Variants in GPR63 observed in about 807,000 individuals in gnomAD.
GPR63 encodes G protein-coupled receptor 63, also known as probable G protein-coupled receptor 63.
Under a neutral mutation model 23.1 loss-of-function variants are expected in GPR63, and 12 were observed. That is an observed-to-expected ratio of 0.52 (90% CI 0.33 to 0.84). The LOEUF is 0.84. Among genes scored for constraint, GPR63 ranks in the 40% least tolerant of loss-of-function variants. GPR63 has a pLI of 0.02. For missense variants in GPR63, 472 were observed against 515.6 expected, an observed-to-expected ratio of 0.92 and a Z score of 0.82; for synonymous variants, 172 against 191.1, an observed-to-expected ratio of 0.90 and a Z score of 0.82.
chr6:96,830,766 T>C (rs542540796), intron 1 of GPR63, among the ~76,000 whole-genome samples: 1 of 152,344 alleles, frequency 6.6e-6, no homozygotes, highest in South Asian at 2.1e-4. Flanking sequence ...AGGGAGAATT[T>C]CTCTCTAAAT....
At chr6:96,804,850 G>A (rs529371086) in intron 1 of GPR63, among the ~76,000 whole-genome samples, 177 of 152,238 alleles carry the variant, frequency 1.2e-3, no homozygotes, top group Non-Finnish European at 2.0e-3. Flanking sequence ...AATTACAGTA[G>A]TGTATTAATG....
At chr6:96,813,992 A>C (rs1774103398) in intron 1 of GPR63, among the ~76,000 whole-genome samples, 1 of 152,326 alleles carries the variant, frequency 6.6e-6, no homozygotes, top group Non-Finnish European at 1.5e-5. Context: ...AGGATATAAA[A>C]AAATTACTAT....
chr6:96,797,628 C>T lies in GPR63; in HGVS notation c.*844G>A, dbSNP rs199706173. On this transcript the variant is annotated 3_prime_UTR_variant, in exon 2 of 2. Transcript: ENST00000229955. ...CATAGGTGTCCATAAATATCAACCC[C>T]TTCTCCCTATACTCCACAAAAACCC... 58 of 152,302 alleles carry T rather than the reference C, an allele frequency of 3.8e-4. 1 individual carries two copies. The East Asian group carries it at 0.01, about 27-fold the overall frequency. 9.4% of individuals were successfully genotyped at this position (152,302 alleles called of 1,614,324 possible). A position where few individuals can be genotyped will look rare whatever the true frequency, so the allele number is the denominator to read the frequency against.
At chr6:96,835,396 A>AT (rs1774699986) in intron 1 of GPR63, among the ~76,000 whole-genome samples, 1 of 152,142 alleles carries the variant, frequency 6.6e-6, no homozygotes, top group East Asian at 1.9e-4. Flanking sequence ...TATATGTGTG[A>AT]TATGGATATA....
At chr6:96,826,919 T>A (rs1262716376) in intron 1 of GPR63, among the ~76,000 whole-genome samples, 2 of 152,052 alleles carry the variant, frequency 1.3e-5, no homozygotes, top group African/African-American at 4.8e-5. Context: ...TGATTTAAAA[T>A]GTGCCGAAGT....
intron 1 of GPR63, among the ~76,000 whole-genome samples, chr6:96,821,395 G>A (rs1432895109): frequency 9.2e-5 from 14 of 152,130 alleles, no homozygotes; most frequent in Non-Finnish European, 1.3e-4. Context: ...AAGATTCTGC[G>A]CTGTGATTTT....
At chr6:96,836,296 A>G (rs919616636) in intron 1 of GPR63, among the ~76,000 whole-genome samples, 4 of 152,368 alleles carry the variant, frequency 2.6e-5, no homozygotes, top group Admixed American at 1.3e-4. Flanking sequence ...CTGAAGCAGT[A>G]TCAGCTTATG....
intron 1 of GPR63, among the ~76,000 whole-genome samples, chr6:96,821,066 G>A (rs752837851): frequency 4.6e-5 from 7 of 152,130 alleles, no homozygotes; most frequent in South Asian, 2.1e-4. Flanking sequence ...TGGTCAGAGG[G>A]CCTGGTTGCT....
At chr6:96,802,265 TAA>T (rs1325959989) in intron 1 of GPR63, among the ~76,000 whole-genome samples, 1 of 152,148 alleles carries the variant, frequency 6.6e-6, no homozygotes, top group Non-Finnish European at 1.5e-5. Context: ...CTTTCTACCA[TAA>T]AAGCTTCCCA....
chr6:96,809,026 T>C (rs1171033371), intron 1 of GPR63, among the ~76,000 whole-genome samples: 1 of 151,834 alleles, frequency 6.6e-6, no homozygotes, highest in Non-Finnish European at 1.5e-5. Context: ...CAAGATGGTT[T>C]TATTCTCTTT....
At chr6:96,834,557 G>A (rs568306798) in intron 1 of GPR63, among the ~76,000 whole-genome samples, 309 of 148,430 alleles carry the variant, frequency 2.1e-3, no homozygotes, top group Non-Finnish European at 3.7e-3. Flanking sequence ...ATATACATAT[G>A]TCATAGTTGC....
chr6:96,830,018 A>G (rs1464781840), intron 1 of GPR63, among the ~76,000 whole-genome samples: 1 of 152,198 alleles, frequency 6.6e-6, no homozygotes, highest in South Asian at 2.1e-4. Flanking sequence ...TCTAAAAAAT[A>G]TAACAGTGAG....
Position 96,799,774 on chromosome 6 carries a change from C to T in GPR63, c.-43G>A, listed in dbSNP as rs774124967. ...AGATGCAAGCAGAGATGCAGGAGTT[C>T]TTCAAGCATTTCAACACAGAACAGC... On this transcript the variant is annotated 5_prime_UTR_variant, in exon 2 of 2. Coordinates refer to ENST00000229955, the MANE Select transcript of GPR63 (RefSeq NM_030784.4). 1.2e-6 allele frequency: 2 copies of T among 1,603,258 alleles called. No homozygotes were observed. Among genetic ancestry groups the T allele is most frequent in the African/African-American group, 2.7e-5 (2 of 74,748 alleles).
chr6:96,816,106 G>GT (rs1774156694), intron 1 of GPR63, among the ~76,000 whole-genome samples: 1 of 151,938 alleles, frequency 6.6e-6, no homozygotes, highest in Non-Finnish European at 1.5e-5. Context: ...TGTTAATACA[G>GT]GCAATATTAC....
At chr6:96,827,863 A>G (rs991077026) in intron 1 of GPR63, among the ~76,000 whole-genome samples, 17 of 152,036 alleles carry the variant, frequency 1.1e-4, no homozygotes, top group African/African-American at 4.1e-4. Flanking sequence ...GTAAAGGAAA[A>G]TTAAAGGATA....
chr6:96,805,936 C>T (rs371149532), intron 1 of GPR63, among the ~76,000 whole-genome samples: 1 of 152,130 alleles, frequency 6.6e-6, no homozygotes, highest in Admixed American at 6.5e-5. Flanking sequence ...ACTGATGGAG[C>T]GAATCAACAT....
intron 1 of GPR63, among the ~76,000 whole-genome samples, chr6:96,819,035 G>A (rs1303989022): frequency 2.0e-5 from 3 of 152,200 alleles, no homozygotes; most frequent in African/African-American, 7.2e-5. Context: ...ATGCTGGAGA[G>A]GTTGTGGAGA....
chr6:96,811,219 G>A (rs914181408), intron 1 of GPR63, among the ~76,000 whole-genome samples: 2 of 152,150 alleles, frequency 1.3e-5, no homozygotes, highest in Admixed American at 6.5e-5. Flanking sequence ...GGGAAGAAAC[G>A]AGTGGCACCA....
At chr6:96,809,587 G>A (rs1773988373) in intron 1 of GPR63, among the ~76,000 whole-genome samples, 2 of 152,080 alleles carry the variant, frequency 1.3e-5, no homozygotes, top group Admixed American at 1.3e-4. Flanking sequence ...TATGCAATTT[G>A]ATCTGAATCA....
Sources: allele counts gnomAD v4.1 joint callset (sites outside exome capture counted in the v4.1 genomes callset), GRCh38; gene constraint gnomAD v4.1.1; transcripts MANE v1.5; gene names NCBI Gene and HGNC (gene_info 2026-07-23, HGNC 2026-07-21).